The following SLC9A9 variants were observed in gnomAD, a reference collection of about 807,000 sequenced individuals.
SLC9A9 encodes sodium/hydrogen exchanger 9.
In SLC9A9, 62 loss-of-function variants were observed where a neutral mutation model predicts 77.8. The observed-to-expected ratio is 0.80, with a 90% confidence interval of 0.65 to 0.98. SLC9A9 has a LOEUF of 0.98. Among genes scored for constraint, SLC9A9 ranks in the 50% least tolerant of loss-of-function variants. SLC9A9 has a pLI of 0.00. For synonymous variants in SLC9A9, 320 were observed against 283.5 expected (o/e 1.13, Z -1.29); for missense variants, 775 against 774.9 (o/e 1.00, Z 0.00).
intron 11 of SLC9A9, among the ~76,000 whole-genome samples, chr3:143,481,228 A>G (rs780014807): frequency 4.6e-5 from 7 of 152,160 alleles, no homozygotes; most frequent in Non-Finnish European, 1.0e-4. Context: ...CTTGATGACT[A>G]CTAGGGGAGG....
intron 4 of SLC9A9, among the ~76,000 whole-genome samples, chr3:143,702,368 TAGAC>T (rs905016539): frequency 1.1e-4 from 17 of 152,030 alleles, no homozygotes; most frequent in Admixed American, 5.2e-4. Context: ...TCTCAAGACA[TAGAC>T]AGTACCGTAA....
intron 9 of SLC9A9, among the ~76,000 whole-genome samples, chr3:143,505,201 A>C (rs895164603): frequency 3.3e-5 from 5 of 152,066 alleles, no homozygotes; most frequent in East Asian, 3.9e-4. Context: ...ATCCAAGCCA[A>C]CCCCTCCTAC....
chr3:143,272,385 G>A (rs1937922541), intron 14 of SLC9A9, among the ~76,000 whole-genome samples: 1 of 152,176 alleles, frequency 6.6e-6, no homozygotes, highest in South Asian at 2.1e-4. Context: ...AGATACTTAT[G>A]AAATAGTAGT....
intron 14 of SLC9A9, among the ~76,000 whole-genome samples, chr3:143,339,106 A>G (rs894636527): frequency 4.6e-5 from 7 of 152,180 alleles, no homozygotes; most frequent in Non-Finnish European, 8.8e-5. Flanking sequence ...GTGTCAGTTG[A>G]CAGCTTTTGA....
chr3:143,510,420 T>G (rs1462439016), intron 9 of SLC9A9, among the ~76,000 whole-genome samples: 1 of 152,162 alleles, frequency 6.6e-6, no homozygotes, highest in East Asian at 1.9e-4. Context: ...ACCCGAGATA[T>G]TTGTGTCATT....
At chr3:143,690,217 A>G (rs1465171639) in intron 5 of SLC9A9, among the ~76,000 whole-genome samples, 1 of 152,042 alleles carries the variant, frequency 6.6e-6, no homozygotes, top group Non-Finnish European at 1.5e-5. Context: ...AGCAAGTAGG[A>G]AATTATATTA....
intron 14 of SLC9A9, among the ~76,000 whole-genome samples, chr3:143,323,775 CTA>C (rs1396838876): frequency 6.6e-6 from 1 of 152,100 alleles, no homozygotes; most frequent in Admixed American, 6.5e-5. Context: ...TAAATGTACT[CTA>C]TATTTGTACA....
intron 6 of SLC9A9, 141 bp downstream of exon 6, chr3:143,652,114 C>T (rs946812808): frequency 4.3e-5 from 29 of 681,260 alleles, no homozygotes; most frequent in Middle Eastern, 4.1e-4. Context: ...ATGAATTGTG[C>T]CCATTATGGA....
rs757284597 is a variant in SLC9A9 at position 143,832,238 on chromosome 3, A to T, written c.176-17T>A. On this transcript the variant is annotated splice_polypyrimidine_tract_variant and intron_variant, in intron 1 of 15. Coordinates refer to ENST00000316549, the MANE Select transcript of SLC9A9 (RefSeq NM_173653.4). ...TTATAAGGCCTAAAAAAAAAAGAATAAATAATGGTACTGGAGGAAGGCAAT... is the reference window on the plus strand; with the variant it reads ...TTATAAGGCCTAAAAAAAAAAGAATTAATAATGGTACTGGAGGAAGGCAAT... 6.2e-6 allele frequency: 10 copies of T among 1,600,118 alleles called. No individual in the cohort carries two copies. In the East Asian group the frequency reaches 2.2e-4, roughly 36 times the overall value.
chr3:143,686,997 T>G (rs1299552420), intron 5 of SLC9A9, among the ~76,000 whole-genome samples: 2 of 152,162 alleles, frequency 1.3e-5, no homozygotes, highest in African/African-American at 4.8e-5. Flanking sequence ...TTCCATATAC[T>G]GTCTCTTTGG....
At position 143,625,827 on chromosome 3, in the gene SLC9A9, C is replaced by G. The variant is rs540623617; in HGVS notation, c.755+26428G>C. On this transcript the variant is annotated intron_variant, in intron 6 of 15. Transcript: ENST00000316549. Reference sequence around the variant, plus strand: ...AGAAACTACCATCAGAGTGAACAGGCAACCTACAGAATGGGAGAAAATTTT... The same window carrying G: ...AGAAACTACCATCAGAGTGAACAGGGAACCTACAGAATGGGAGAAAATTTT... Among the ~76,000 whole-genome samples, 618 of 152,242 alleles carry G rather than the reference C, an allele frequency of 4.1e-3. 2 individuals are homozygous for G. Among genetic ancestry groups the G allele is most frequent in the African/African-American group, 0.014 (596 of 41,534 alleles).
intron 14 of SLC9A9, among the ~76,000 whole-genome samples, chr3:143,348,154 C>T (rs1224559653): frequency 6.6e-6 from 1 of 152,012 alleles, no homozygotes; most frequent in Non-Finnish European, 1.5e-5. Flanking sequence ...GCTGGGACTA[C>T]AGGTCCAGCT....
At chr3:143,442,207 C>T (rs769980987) in intron 12 of SLC9A9, among the ~76,000 whole-genome samples, 4 of 152,162 alleles carry the variant, frequency 2.6e-5, no homozygotes, top group Non-Finnish European at 4.4e-5. Context: ...CAATTTTATA[C>T]AAACAAGATG....
chr3:143,521,391 T>C (rs2036296468), intron 9 of SLC9A9, among the ~76,000 whole-genome samples: 1 of 152,154 alleles, frequency 6.6e-6, no homozygotes, highest in Non-Finnish European at 1.5e-5. Flanking sequence ...CAGTTGAGTT[T>C]AGTTTGTAAG....
At chr3:143,281,158 G>T (rs1421936165) in intron 14 of SLC9A9, among the ~76,000 whole-genome samples, 1 of 152,206 alleles carries the variant, frequency 6.6e-6, no homozygotes, top group Non-Finnish European at 1.5e-5. Flanking sequence ...CCCTGTTACA[G>T]TGACCCAGGG....
intron 12 of SLC9A9, among the ~76,000 whole-genome samples, chr3:143,446,327 C>T (rs774789085): frequency 3.3e-5 from 5 of 151,744 alleles, no homozygotes; most frequent in South Asian, 2.1e-4. Flanking sequence ...CTGGGGACCT[C>T]GTGGAAGTTA....
intron 4 of SLC9A9, among the ~76,000 whole-genome samples, chr3:143,764,210 A>G (rs1344861595): frequency 6.6e-6 from 1 of 152,206 alleles, no homozygotes; most frequent in African/African-American, 2.4e-5. Flanking sequence ...GGTATATAAC[A>G]TACAATGTGA....
chr3:143,531,686 G>T (rs114085807), intron 9 of SLC9A9, among the ~76,000 whole-genome samples: 268 of 152,290 alleles, frequency 1.8e-3, no homozygotes, highest in African/African-American at 6.3e-3. Flanking sequence ...TAACATGTAT[G>T]AATCTCATTT....
chr3:143,781,760 G>A (rs1229161494), intron 4 of SLC9A9, among the ~76,000 whole-genome samples: 1 of 152,178 alleles, frequency 6.6e-6, no homozygotes, highest in Admixed American at 6.5e-5. Flanking sequence ...CAATGTTAAC[G>A]CAATGAGGTC....
Sources: gnomAD v4.1 joint callset for allele counts (sites outside exome capture counted in the v4.1 genomes callset) on GRCh38, gnomAD v4.1.1 for gene constraint, MANE v1.5 for transcripts, NCBI Gene and HGNC (gene_info 2026-07-23, HGNC 2026-07-21) for gene names.